The following ASTN2 variants were observed in gnomAD, a reference collection of about 807,000 sequenced individuals.
ASTN2 encodes the protein astrotactin-2.
In ASTN2, 54 loss-of-function variants were observed where a neutral mutation model predicts 139.8. The observed-to-expected ratio is 0.39, with a 90% confidence interval of 0.31 to 0.48. ASTN2 has a LOEUF of 0.48. Ranked by LOEUF, ASTN2 falls within the 20% of genes least tolerant of loss-of-function variation. The pLI is 0.95. For missense variants in ASTN2, 1,565 were observed against 1,725.1 expected (o/e 0.91, Z 1.64); for synonymous variants, 756 against 719.5 (o/e 1.05, Z -0.81).
intron 19 of ASTN2, among the ~76,000 whole-genome samples, chr9:116,557,949 C>A (rs187355684): frequency 6.6e-6 from 1 of 152,274 alleles, no homozygotes; most frequent in East Asian, 1.9e-4. Context: ...ATTGAATATA[C>A]ATTGTTCGAT....
chr9:117,181,301 A>T (rs1427821786), intron 3 of ASTN2: 1 of 422,042 alleles, frequency 2.4e-6, no homozygotes, highest in Non-Finnish European at 4.3e-6. Context: ...AGAGATGTCA[A>T]ATAACTTGCC....
At chr9:117,380,870 G>T (rs1211373476) in intron 1 of ASTN2, among the ~76,000 whole-genome samples, 1 of 152,110 alleles carries the variant, frequency 6.6e-6, no homozygotes, top group Non-Finnish European at 1.5e-5. Flanking sequence ...AACTTAAACA[G>T]AATTACCATA....
chr9:117,082,359 T>G (rs544153095), intron 5 of ASTN2, among the ~76,000 whole-genome samples: 31 of 152,266 alleles, frequency 2.0e-4, no homozygotes, highest in African/African-American at 6.5e-4. Flanking sequence ...ATTGGGTTCC[T>G]CTAACTGTAT....
chr9:117,248,775 A>T (rs1833455685), intron 2 of ASTN2, among the ~76,000 whole-genome samples: 2 of 152,238 alleles, frequency 1.3e-5, no homozygotes, highest in Non-Finnish European at 2.9e-5. Flanking sequence ...TGGAAAAGGT[A>T]AAGGACATGT....
intron 17 of ASTN2, among the ~76,000 whole-genome samples, chr9:116,641,816 T>C (rs533368965): frequency 6.6e-6 from 1 of 152,238 alleles, no homozygotes; most frequent in African/African-American, 2.4e-5. Context: ...CATGAGTGTG[T>C]TGAGTAATAT....
At chr9:117,180,536 T>C (rs953326716) in intron 3 of ASTN2, 1 of 651,210 alleles carries the variant, frequency 1.5e-6, no homozygotes, top group South Asian at 2.0e-5. Flanking sequence ...GGAATATTTG[T>C]TCATATCCAT....
intron 13 of ASTN2, among the ~76,000 whole-genome samples, chr9:116,797,306 T>C (rs550728531): frequency 2.0e-5 from 3 of 152,328 alleles, no homozygotes; most frequent in Non-Finnish European, 4.4e-5. Context: ...AAGTTAGCTT[T>C]CTGATTCCAG....
At chr9:116,796,099 T>C (rs116159286) in intron 13 of ASTN2, among the ~76,000 whole-genome samples, 2,219 of 152,326 alleles carry the variant, frequency 0.015, 53 homozygotes, top group African/African-American at 0.05. Context: ...GTGGGACTTC[T>C]GTCTGCCAAG....
chr9:117,026,499 C>T (rs890022278), intron 6 of ASTN2, among the ~76,000 whole-genome samples: 3 of 152,104 alleles, frequency 2.0e-5, no homozygotes, highest in African/African-American at 7.2e-5. Flanking sequence ...GTGGCAGATG[C>T]CACATCATCT....
rs59564628 is a variant in ASTN2 at position 117,016,656 on chromosome 9, A to ATAGGTT, written c.1424-8398_1424-8397insAACCTA. Among the ~76,000 whole-genome samples the ATAGGTT allele has an allele frequency of 1.9e-3, 51 of 26,790 alleles. 4 individuals carry two copies. The highest frequency in any genetic ancestry group is 2.4e-3 in the Non-Finnish European group (29 of 12,016). The allele number at this position is 26,790 out of a possible 152,430, so 17.6% of individuals were successfully genotyped here. A position where few individuals can be genotyped will look rare whatever the true frequency, so the allele number is the denominator to read the frequency against. On this transcript the variant is annotated intron_variant, in intron 6 of 22. Coordinates refer to ENST00000313400, the MANE Select transcript of ASTN2 (RefSeq NM_001365068.1). ...TATATATATATATATATATATATAT[A>ATAGGTT]ACCTATATATATGTTACATATATAT... is the stretch of plus-strand genomic sequence containing the variant.
chr9:117,295,321 T>TTAAAA lies in ASTN2; in HGVS notation c.443-3813_443-3809dup, dbSNP rs994084369. 4.4e-4 allele frequency among the ~76,000 whole-genome samples: 67 copies of TTAAAA among 151,734 alleles called. 1 individual carries two copies. The highest frequency in any genetic ancestry group is 2.1e-3 in the East Asian group (11 of 5,140). ...TGGGCAACAGAATGAGACCCTGTCT[T>TTAAAA]TAAAATAAAATAAAATAAAATAAGA... On this transcript the variant is annotated intron_variant, in intron 1 of 22. Transcript: ENST00000313400.
At chr9:116,790,904 A>G (rs893156643) in intron 13 of ASTN2, among the ~76,000 whole-genome samples, 1 of 150,902 alleles carries the variant, frequency 6.6e-6, no homozygotes, top group Non-Finnish European at 1.5e-5. Context: ...AAGAGGAAAG[A>G]AAGAAAGAGA....
intron 2 of ASTN2, 115 bp from the exon 3 acceptor site, chr9:117,214,857 CCT>C: frequency 1.7e-6 from 2 of 1,192,652 alleles, no homozygotes; most frequent in Non-Finnish European, 2.1e-6. Flanking sequence ...GCTCATAGAG[CCT>C]CAGGAACCAC....
At chr9:117,011,299 G>A (rs530208962) in intron 6 of ASTN2, among the ~76,000 whole-genome samples, 1 of 152,182 alleles carries the variant, frequency 6.6e-6, no homozygotes, top group Non-Finnish European at 1.5e-5. Context: ...GGTGATATTT[G>A]GAAGTGGAGT....
intron 10 of ASTN2, among the ~76,000 whole-genome samples, chr9:116,968,072 T>C (rs1836070355): frequency 6.6e-6 from 1 of 152,230 alleles, no homozygotes. Context: ...AGTAACCCTA[T>C]ACACATTATG....
chr9:116,443,866 T>G (rs534730967), intron 20 of ASTN2, among the ~76,000 whole-genome samples: 50 of 152,236 alleles, frequency 3.3e-4, no homozygotes, highest in South Asian at 2.5e-3. Flanking sequence ...TCTTCCCTCC[T>G]CCCTTGCATC....
chr9:117,413,681 C>T (rs1831236966), intron 1 of ASTN2, among the ~76,000 whole-genome samples: 1 of 152,124 alleles, frequency 6.6e-6, no homozygotes, highest in African/African-American at 2.4e-5. Flanking sequence ...TTAACTTTTC[C>T]GTTGGAGCCC....
At chr9:117,013,348 C>T (rs2132596396) in intron 6 of ASTN2, among the ~76,000 whole-genome samples, 1 of 152,056 alleles carries the variant, frequency 6.6e-6, no homozygotes, top group South Asian at 2.1e-4. Flanking sequence ...GTCCTCCCCA[C>T]TTTACTGACT....
chr9:117,358,300 A>G (rs559998867), intron 1 of ASTN2, among the ~76,000 whole-genome samples: 42 of 151,786 alleles, frequency 2.8e-4, no homozygotes, highest in Admixed American at 1.1e-3. Flanking sequence ...ACACACATAC[A>G]CATCCACATC....
Sources: allele counts gnomAD v4.1 joint callset (sites outside exome capture counted in the v4.1 genomes callset), GRCh38; gene constraint gnomAD v4.1.1; transcripts MANE v1.5; gene names NCBI Gene and HGNC (gene_info 2026-07-23, HGNC 2026-07-21).